Variants in NUP98 observed in about 807,000 individuals in gnomAD.
NUP98 encodes nuclear pore complex protein Nup98-Nup96.
A neutral mutation model predicts 191.9 loss-of-function variants in NUP98; 26 were observed. The ratio of observed to expected loss-of-function variants is 0.14; its 90% confidence interval spans 0.10 to 0.19. The LOEUF is 0.19. Ranked by LOEUF, NUP98 falls within the 10% of genes least tolerant of loss-of-function variation. The pLI is 1.00. For synonymous variants in NUP98, 808 were observed against 778.4 expected, an observed-to-expected ratio of 1.04 and a Z score of -0.63; for missense variants, 1,941 against 2,178.8, an observed-to-expected ratio of 0.89 and a Z score of 2.17.
At chr11:3,690,927 C>T (rs935905729) in intron 28 of NUP98, among the ~76,000 whole-genome samples, 10 of 151,980 alleles carry the variant, frequency 6.6e-5, no homozygotes, top group African/African-American at 2.2e-4. Context: ...AAGCTAGGCA[C>T]AAGGAACATA....
intron 14 of NUP98, among the ~76,000 whole-genome samples, chr11:3,730,817 A>C (rs906483664): frequency 5.3e-5 from 8 of 152,136 alleles, no homozygotes; most frequent in African/African-American, 1.9e-4. Context: ...AGCAACAACA[A>C]AAAAACCTAA....
intron 10 of NUP98, chr11:3,760,089 G>A (rs1347995092): frequency 2.9e-5 from 4 of 138,840 alleles, no homozygotes; most frequent in East Asian, 2.1e-4. Context: ...AGGCTAAGGC[G>A]ATATAAAGAC....
intron 18 of NUP98, among the ~76,000 whole-genome samples, chr11:3,717,814 T>C (rs1260571731): frequency 2.0e-5 from 3 of 152,044 alleles, no homozygotes; most frequent in Non-Finnish European, 2.9e-5. Flanking sequence ...TTTTGGTAAA[T>C]ACTTTTTCTG....
Position 3,762,995 on chromosome 11 carries a change from A to G in NUP98, c.993T>C (p.Phe331=), listed in dbSNP as rs754621649. 3.1e-6 allele frequency: 5 copies of G among 1,613,982 alleles called. No individual in the cohort carries two copies. Among genetic ancestry groups the G allele is most frequent in the Non-Finnish European group, 4.2e-6 (5 of 1,179,892 alleles). The change falls in exon 9 of 33, where the codon TTT becomes TTC. Residue 331 remains phenylalanine (F), a synonymous_variant. Coordinates refer to ENST00000324932, the MANE Select transcript of NUP98 (RefSeq NM_016320.5). ...VTQASQPGGL[F]GTATNTSTGT... The stretch of plus-strand genomic sequence containing the variant: ...CAGTGCTGGTGTTTGTAGCTGTCCC[A>G]AAAAGACCTCCAGGCTGTGAGGCTT...
intron 8 of NUP98, among the ~76,000 whole-genome samples, chr11:3,766,595 C>T (rs928679314): frequency 2.0e-5 from 3 of 147,452 alleles, no homozygotes; most frequent in Non-Finnish European, 3.0e-5. Context: ...AGGCTAACGC[C>T]GGAGAATCCC....
intron 1 of NUP98, among the ~76,000 whole-genome samples, chr11:3,791,868 C>G (rs955134782): frequency 2.1e-5 from 3 of 141,154 alleles, no homozygotes; most frequent in Non-Finnish European, 3.1e-5. Flanking sequence ...AATTTTGATA[C>G]AAAAATTACA....
chr11:3,797,280 G>C, intron 1 of NUP98, 120 bp downstream of exon 1: 1 of 397,228 alleles, frequency 2.5e-6, no homozygotes, highest in Non-Finnish European at 4.4e-6. Context: ...GCCAGAAGGT[G>C]CGCGCAGCGG....
chr11:3,792,601 ACT>A (rs1260337400), intron 1 of NUP98, among the ~76,000 whole-genome samples: 4 of 152,104 alleles, frequency 2.6e-5, no homozygotes, highest in South Asian at 2.1e-4. Context: ...ACAAAGCAAG[ACT>A]CTGTCTCAAA....
At chr11:3,730,063 G>A (rs571015727) in intron 14 of NUP98, among the ~76,000 whole-genome samples, 6 of 152,040 alleles carry the variant, frequency 3.9e-5, no homozygotes, top group Non-Finnish European at 8.8e-5. Flanking sequence ...CCAACATGGC[G>A]AAACCCCATC....
At chr11:3,692,717 A>AC (rs1214433838) in intron 27 of NUP98, among the ~76,000 whole-genome samples, 2 of 151,928 alleles carry the variant, frequency 1.3e-5, no homozygotes, top group South Asian at 2.1e-4. Flanking sequence ...GCTATCACTA[A>AC]CCCCCCATAC....
At chr11:3,690,405 G>A (rs543702890) in intron 28 of NUP98, among the ~76,000 whole-genome samples, 14 of 152,098 alleles carry the variant, frequency 9.2e-5, no homozygotes, top group African/African-American at 3.4e-4. Context: ...GACTACGGGC[G>A]CCCGCCACCA....
intron 29 of NUP98, among the ~76,000 whole-genome samples, chr11:3,685,735 T>G (rs1270808451): frequency 6.6e-6 from 1 of 152,230 alleles, no homozygotes; most frequent in African/African-American, 2.4e-5. Context: ...GCTGAGAGAC[T>G]TTGTGATAAA....
At position 3,676,034 on chromosome 11, in the gene NUP98, A is replaced by G. The variant is rs2133987305; in HGVS notation, c.*125T>C. The G allele has an allele frequency of 1.2e-6, 1 of 817,098 alleles. No homozygotes were observed. The highest frequency in any genetic ancestry group is 1.7e-5 in the South Asian group (1 of 59,330). The allele number at this position is 817,098 out of a possible 1,614,324, so 50.6% of individuals were successfully genotyped here. ...ACAAGTGGAGGATGCTGCTTCTGGCAGCAGGGAGGGAGGGTAGATGCCACA... is the reference window on the plus strand; with the variant it reads ...ACAAGTGGAGGATGCTGCTTCTGGCGGCAGGGAGGGAGGGTAGATGCCACA... On this transcript the variant is annotated 3_prime_UTR_variant, in exon 33 of 33. Transcript: ENST00000324932.
chr11:3,677,510 C>T (rs2077856237), intron 31 of NUP98, among the ~76,000 whole-genome samples: 1 of 148,262 alleles, frequency 6.7e-6, no homozygotes, highest in Non-Finnish European at 1.5e-5. Flanking sequence ...ACTAGGATTA[C>T]AGTCATGCAC....
chr11:3,720,975 A>AGTGTGTGTGTGTGTGTGTGTGTGT lies in NUP98; in HGVS notation c.2147-174_2147-151dup, dbSNP rs55984201. 30 of 324,598 alleles carry AGTGTGTGTGTGTGTGTGTGTGTGT rather than the reference A, an allele frequency of 9.2e-5. 1 individual carries two copies. The Middle Eastern group carries it at 5.7e-3, about 61-fold the overall frequency. The allele number at this position is 324,598 out of a possible 1,614,324, so 20.1% of individuals were successfully genotyped here. A position where few individuals can be genotyped will look rare whatever the true frequency, so the allele number is the denominator to read the frequency against. On this transcript the variant is annotated intron_variant, in intron 16 of 32. Transcript: ENST00000324932. ...TGATTCCTAGGAGAAGGGGTGTGTG[A>AGTGTGTGTGTGTGTGTGTGTGTGT]GTGTGTGTGTGTGTGTGTGTGTGTG...
At chr11:3,784,579 T>TA (rs61334985) in intron 1 of NUP98, among the ~76,000 whole-genome samples, 12,939 of 88,976 alleles carry the variant, frequency 0.15, 866 homozygotes, top group African/African-American at 0.26. Context: ...CTGTCTCTAT[T>TA]AAAAACAAAA....
Position 3,719,489 on chromosome 11 carries a change from A to G in NUP98, c.2322T>C (p.Ile774=). ...CTACTTCTTTCCTCCGGATATGCAC[A>G]ATATCATCCAAATTTAGATTTGTCA... The part of the protein sequence containing the change: ...VNLTNLNLDD[I]VHIRRKEVVV... Residue 774 remains isoleucine (I), a synonymous_variant, in exon 18 of 33, where the codon ATT becomes ATC. Coordinates refer to ENST00000324932, the MANE Select transcript of NUP98 (RefSeq NM_016320.5). 1 of 1,594,490 alleles carries G rather than the reference A, an allele frequency of 6.3e-7. No individual in the cohort carries two copies. Among genetic ancestry groups the G allele is most frequent in the Non-Finnish European group, 8.5e-7 (1 of 1,172,188 alleles).
At chr11:3,694,105 A>G (rs1323113281) in intron 26 of NUP98, among the ~76,000 whole-genome samples, 1 of 147,440 alleles carries the variant, frequency 6.8e-6, no homozygotes, top group Non-Finnish European at 1.5e-5. Context: ...GGTGCAGTGG[A>G]TCATGCCTGT....
intron 25 of NUP98, 172 bp downstream of exon 25, chr11:3,698,910 A>T: frequency 6.9e-6 from 5 of 720,838 alleles, no homozygotes; most frequent in South Asian, 5.5e-5. Flanking sequence ...TTAAAAGTTA[A>T]ATTTTATGTT....
Sources: gnomAD v4.1 joint callset for allele counts (sites outside exome capture counted in the v4.1 genomes callset) on GRCh38, gnomAD v4.1.1 for gene constraint, MANE v1.5 for transcripts, NCBI Gene and HGNC (gene_info 2026-07-23, HGNC 2026-07-21) for gene names.